The following MBD5 variants were observed in gnomAD, a reference collection of about 807,000 sequenced individuals.
MBD5 encodes methyl-CpG-binding domain protein 5.
MBD5 carries 13 observed loss-of-function variants against 117.3 expected under a neutral mutation model. That is an observed-to-expected ratio of 0.11 (90% CI 0.07 to 0.18). The LOEUF is 0.18. Among genes scored for constraint, MBD5 ranks in the 10% least tolerant of loss-of-function variants. MBD5 has a pLI of 1.00. For missense variants in MBD5, 1,879 were observed against 2,093.8 expected, an observed-to-expected ratio of 0.90 and a Z score of 2.00; for synonymous variants, 727 against 766.4, an observed-to-expected ratio of 0.95 and a Z score of 0.85.
At chr2:148,511,709 C>T (rs1306499723) in intron 13 of MBD5, among the ~76,000 whole-genome samples, 1 of 152,130 alleles carries the variant, frequency 6.6e-6, no homozygotes, top group Non-Finnish European at 1.5e-5. Flanking sequence ...TTTCTTTCCT[C>T]AGTTATAAAA....
intron 1 of MBD5, among the ~76,000 whole-genome samples, chr2:148,029,365 G>A (rs1388121995): frequency 6.6e-6 from 1 of 152,000 alleles, no homozygotes; most frequent in African/African-American, 2.4e-5. Context: ...TGTAGAAGGT[G>A]TTACTTTGCT....
chr2:148,434,683 C>T (rs930706341), intron 4 of MBD5, among the ~76,000 whole-genome samples: 2 of 151,998 alleles, frequency 1.3e-5, no homozygotes, highest in Non-Finnish European at 2.9e-5. Flanking sequence ...AATGTGTGAT[C>T]CATTTTAGAG....
rs747416741 is a variant in MBD5 at position 148,495,836 on chromosome 2, G to T, written c.4962+5242G>T. ...AACTCATAACCAAATCTATTGGGGG[G>T]CAATACATTTTCTGTATGTCAGTTC... On this transcript the variant is annotated intron_variant, in intron 11 of 13. Coordinates refer to ENST00000642680, the MANE Select transcript of MBD5 (RefSeq NM_001378120.1). Among the ~76,000 whole-genome samples, 7 of 152,254 alleles carry T rather than the reference G, an allele frequency of 4.6e-5. No individual in the cohort carries two copies. In the East Asian group the frequency reaches 1.4e-3, roughly 29 times the overall value.
chr2:148,412,275 TG>T (rs1559060286), intron 4 of MBD5, among the ~76,000 whole-genome samples: 1,335 of 67,072 alleles, frequency 0.02, 21 homozygotes, highest in African/African-American at 0.061. Context: ...ATACTTTTTG[TG>T]TGTGTGTGTG....
At chr2:148,108,795 G>C (rs1320143025) in intron 1 of MBD5, among the ~76,000 whole-genome samples, 1 of 152,154 alleles carries the variant, frequency 6.6e-6, no homozygotes, top group Admixed American at 6.5e-5. Context: ...CATACAGCTT[G>C]TAAATGCCAA....
chr2:148,435,743 T>G (rs1056512380), intron 4 of MBD5, among the ~76,000 whole-genome samples: 12 of 152,206 alleles, frequency 7.9e-5, no homozygotes, highest in Non-Finnish European at 1.6e-4. Context: ...TTGTGTAATA[T>G]CTTGCAGGGG....
At chr2:148,285,088 A>T (rs1278414539) in intron 3 of MBD5, among the ~76,000 whole-genome samples, 1 of 152,228 alleles carries the variant, frequency 6.6e-6, no homozygotes, top group Non-Finnish European at 1.5e-5. Flanking sequence ...TGCTTAAGCC[A>T]CAAATCTGAA....
intron 4 of MBD5, among the ~76,000 whole-genome samples, chr2:148,429,511 A>T (rs1327333054): frequency 6.6e-6 from 1 of 152,214 alleles, no homozygotes; most frequent in Non-Finnish European, 1.5e-5. Context: ...TACCTAAAGG[A>T]TTATAAATCA....
intron 1 of MBD5, among the ~76,000 whole-genome samples, chr2:148,119,936 C>T (rs1456620760): frequency 3.3e-5 from 5 of 150,714 alleles, no homozygotes; most frequent in Non-Finnish European, 7.4e-5. Context: ...CAGGGTCTCA[C>T]TTTGTCACGC....
rs114878739 is a variant in MBD5, at chr2:148,312,019, C to T, written c.-679-30195C>T. On this transcript the variant is annotated intron_variant, in intron 3 of 13. Transcript: ENST00000642680. ...TGCAGGATTTCTGCAGAGACAGCTG[C>T]TGATAATCTGATGGGATTCCCTTTG... Among the ~76,000 whole-genome samples, 1,265 of 152,328 alleles carry T rather than the reference C, an allele frequency of 8.3e-3. 22 individuals are homozygous for T. The highest frequency in any genetic ancestry group is 0.029 in the African/African-American group (1,219 of 41,580).
chr2:148,139,774 G>T (rs1192681537), intron 1 of MBD5, among the ~76,000 whole-genome samples: 3 of 152,074 alleles, frequency 2.0e-5, no homozygotes, highest in Admixed American at 6.5e-5. Flanking sequence ...TTCACCAGAT[G>T]TACACGTACT....
chr2:148,329,260 C>T (rs753772571), intron 3 of MBD5, among the ~76,000 whole-genome samples: 1 of 152,094 alleles, frequency 6.6e-6, no homozygotes, highest in African/African-American at 2.4e-5. Flanking sequence ...GTTTACTTCT[C>T]CTTTAGCCAG....
intron 13 of MBD5, among the ~76,000 whole-genome samples, chr2:148,510,901 A>T (rs1034728960): frequency 6.6e-6 from 1 of 152,232 alleles, no homozygotes; most frequent in African/African-American, 2.4e-5. Context: ...ATTGGGGATT[A>T]TAAACTCAAA....
chr2:148,470,106 G>A lies in MBD5; in HGVS notation c.2163G>A (p.Pro721=), dbSNP rs1241365384. ...QSSHLSSNST[P]GCGASNTALP... Reference sequence around the variant, plus strand: ...CTCACTTGAGTAGCAATAGTACCCCGGGTTGTGGGGCCTCAAATACTGCTT... The same window carrying A: ...CTCACTTGAGTAGCAATAGTACCCCAGGTTGTGGGGCCTCAAATACTGCTT... Residue 721 remains proline (P), a synonymous_variant, in exon 8 of 14, where the codon CCG becomes CCA. Transcript: ENST00000642680. 1.9e-6 allele frequency: 3 copies of A among 1,613,802 alleles called. No individual in the cohort carries two copies. Among genetic ancestry groups the A allele is most frequent in the Non-Finnish European group, 2.5e-6 (3 of 1,179,888 alleles).
intron 4 of MBD5, among the ~76,000 whole-genome samples, chr2:148,399,179 A>T (rs1035294087): frequency 6.6e-6 from 1 of 152,172 alleles, no homozygotes; most frequent in Non-Finnish European, 1.5e-5. Context: ...GTTTTTTCCA[A>T]TTCCATGAAG....
chr2:148,219,542 G>A (rs1261081874), intron 2 of MBD5, among the ~76,000 whole-genome samples: 1 of 152,146 alleles, frequency 6.6e-6, no homozygotes, highest in Non-Finnish European at 1.5e-5. Flanking sequence ...TACAGCACAT[G>A]ACTAATAGAG....
chr2:148,441,559 T>G (rs1292379884), intron 4 of MBD5, among the ~76,000 whole-genome samples: 1 of 152,256 alleles, frequency 6.6e-6, no homozygotes, highest in Non-Finnish European at 1.5e-5. Flanking sequence ...AGTGCCACAG[T>G]AAACATACAT....
chr2:148,507,953 TAATA>T (rs1214649686), intron 12 of MBD5, among the ~76,000 whole-genome samples: 3 of 152,200 alleles, frequency 2.0e-5, no homozygotes, highest in Non-Finnish European at 4.4e-5. Context: ...TCAAAATTTA[TAATA>T]AATAAATGTC....
chr2:148,436,953 A>G (rs1055533481), intron 4 of MBD5, among the ~76,000 whole-genome samples: 1 of 151,832 alleles, frequency 6.6e-6, no homozygotes, highest in Non-Finnish European at 1.5e-5. Context: ...TTATGTTGGT[A>G]TTTGAACTTC....
Sources: allele counts gnomAD v4.1 joint callset (sites outside exome capture counted in the v4.1 genomes callset), GRCh38; gene constraint gnomAD v4.1.1; transcripts MANE v1.5; gene names NCBI Gene and HGNC (gene_info 2026-07-23, HGNC 2026-07-21).